CDH18: variants seen among roughly 807,000 people sequenced by gnomAD.
CDH18 encodes the protein cadherin-18.
CDH18 carries 31 observed loss-of-function variants against 67.9 expected under a neutral mutation model. That is an observed-to-expected ratio of 0.46 (90% CI 0.34 to 0.62). CDH18 has a LOEUF of 0.62. CDH18 is among the 20% of genes least tolerant of loss of function. The probability of loss-of-function intolerance (pLI) is 0.01; values close to 1 mark genes in which losing one functional copy is unlikely to be tolerated. For missense variants in CDH18, 890 were observed against 975.5 expected (o/e 0.91, Z 1.17); for synonymous variants, 362 against 347.2 (o/e 1.04, Z -0.48).
intron 2 of CDH18, among the ~76,000 whole-genome samples, chr5:20,115,296 T>TTTTTTTTG (rs1747800871): frequency 7.0e-6 from 1 of 143,050 alleles, no homozygotes; most frequent in Non-Finnish European, 1.5e-5. Flanking sequence ...TTTTTTTTTT[T>TTTTTTTTG]TGAGACGGAG....
intron 2 of CDH18, among the ~76,000 whole-genome samples, chr5:20,176,480 T>C (rs1232876302): frequency 6.6e-6 from 1 of 152,138 alleles, no homozygotes; most frequent in African/African-American, 2.4e-5. Flanking sequence ...GTGGACATAA[T>C]AGTTTTAGTT....
rs538862460 is a variant in CDH18, at chr5:20,408,209, A to T, written c.-579-152704T>A. ...AAGACTTTCCCCGGTAAATAAAAAA[A>T]GGTGAGGGAGATCATCACCACTAGA... On this transcript the variant is annotated intron_variant, in intron 1 of 14. Coordinates refer to the CDH18 transcript ENST00000507958. 2.7e-3 allele frequency among the ~76,000 whole-genome samples: 417 copies of T among 152,190 alleles called. 3 individuals carry two copies. The highest frequency in any genetic ancestry group is 0.014 in the Middle Eastern group (4 of 294).
intron 9 of CDH18, among the ~76,000 whole-genome samples, chr5:19,539,091 GCATTT>G (rs1196566699): frequency 6.6e-6 from 1 of 152,156 alleles, no homozygotes. Flanking sequence ...ATCGGTGCAT[GCATTT>G]CATTTCTAAA....
At chr5:20,042,250 C>A (rs1375565071) in intron 2 of CDH18, among the ~76,000 whole-genome samples, 1 of 152,212 alleles carries the variant, frequency 6.6e-6, no homozygotes, top group Non-Finnish European at 1.5e-5. Context: ...ATTTACTACA[C>A]AAATCCTTCA....
intron 8 of CDH18, among the ~76,000 whole-genome samples, chr5:19,567,252 G>C (rs945953978): frequency 6.6e-6 from 1 of 152,064 alleles, no homozygotes; most frequent in African/African-American, 2.4e-5. Context: ...ATCTTGTTTA[G>C]AGTTGAAACA....
chr5:20,064,329 G>T (rs1161224099), intron 2 of CDH18, among the ~76,000 whole-genome samples: 1 of 152,054 alleles, frequency 6.6e-6, no homozygotes, highest in East Asian at 1.9e-4. Flanking sequence ...AAACTGAAGA[G>T]CAAAAGATGA....
intron 1 of CDH18, among the ~76,000 whole-genome samples, chr5:20,271,698 G>T (rs575581778): frequency 6.6e-5 from 10 of 152,114 alleles, no homozygotes; most frequent in African/African-American, 2.4e-4. Context: ...CTATCTATGA[G>T]ACAAGGAAAC....
In CDH18 at chr5:19,532,155, G is replaced by T. The variant is rs564092035; in HGVS notation, c.1391-11377C>A. 2.0e-5 allele frequency among the ~76,000 whole-genome samples: 3 copies of T among 151,934 alleles called. No individual in the cohort carries two copies. In the East Asian group the frequency reaches 5.8e-4, roughly 29 times the overall value. On this transcript the variant is annotated intron_variant, in intron 9 of 12. Transcript: ENST00000382275. Reference sequence around the variant, plus strand: ...ATTTGTAGCCAATGTATTTTTTTGGGTCTTTTTTTTTAAATGTTAGACTTC... The same window carrying T: ...ATTTGTAGCCAATGTATTTTTTTGGTTCTTTTTTTTTAAATGTTAGACTTC...
intron 2 of CDH18, among the ~76,000 whole-genome samples, chr5:19,840,791 T>C (rs956876447): frequency 1.3e-5 from 2 of 152,208 alleles, no homozygotes; most frequent in Admixed American, 6.5e-5. Context: ...TGTAGTATTA[T>C]ATATGTGTGC....
In CDH18 at chr5:19,790,335, A is replaced by T. The variant is rs146796068; in HGVS notation, c.229-43099T>A. On this transcript the variant is annotated intron_variant, in intron 3 of 12. Coordinates refer to ENST00000382275, the MANE Select transcript of CDH18 (RefSeq NM_004934.5). The stretch of plus-strand genomic sequence containing the variant: ...CATGTATAAATTTTGAAATTGTTTC[A>T]CTCCTTCCTTCCTTTATATATTTAA... Among the ~76,000 whole-genome samples the T allele has an allele frequency of 4.3e-3, 653 of 151,996 alleles. 3 individuals are homozygous for T. The highest frequency in any genetic ancestry group is 4.8e-3 in the Non-Finnish European group (329 of 67,942).
chr5:19,887,030 T>C, intron 2 of CDH18, among the ~76,000 whole-genome samples: 1 of 152,196 alleles, frequency 6.6e-6, no homozygotes, highest in East Asian at 1.9e-4. Flanking sequence ...TTGGGTACCA[T>C]AATAAATAAG....
intron 8 of CDH18, among the ~76,000 whole-genome samples, chr5:19,550,327 T>A (rs143816784): frequency 0.036 from 5,479 of 152,174 alleles, 153 homozygotes; most frequent in East Asian, 0.059. Context: ...GTTTGTTACA[T>A]ACGTATACAT....
intron 1 of CDH18, among the ~76,000 whole-genome samples, chr5:20,493,377 A>G: frequency 1.5e-5 from 1 of 64,696 alleles, no homozygotes; most frequent in Non-Finnish European, 3.4e-5. Flanking sequence ...AAAAAAAAAA[A>G]AAAAAAAAGC....
intron 2 of CDH18, among the ~76,000 whole-genome samples, chr5:19,965,051 G>A (rs1478090209): frequency 1.3e-5 from 2 of 152,098 alleles, no homozygotes; most frequent in Admixed American, 6.6e-5. Flanking sequence ...GAGTACATTT[G>A]CTTAAAGGAA....
At chr5:20,206,077 A>T (rs574334989) in intron 2 of CDH18, among the ~76,000 whole-genome samples, 1 of 152,012 alleles carries the variant, frequency 6.6e-6, no homozygotes, top group East Asian at 1.9e-4. Flanking sequence ...AAAGATAAAC[A>T]ACATCAACAA....
At chr5:19,717,332 G>A (rs1015565702) in intron 5 of CDH18, among the ~76,000 whole-genome samples, 4 of 151,910 alleles carry the variant, frequency 2.6e-5, no homozygotes, top group Non-Finnish European at 5.9e-5. Flanking sequence ...TCATCAAATG[G>A]CCATGAAAGT....
rs1216080284 is a variant in CDH18, at chr5:20,345,514, T to C, written c.-579-90009A>G. ...TTCCCTCTGTAGCTCTTTTTTATTA[T>C]ATCATTTATATTTATTCCAACCATA... On this transcript the variant is annotated intron_variant, in intron 1 of 14. Coordinates refer to the CDH18 transcript ENST00000507958. Among the ~76,000 whole-genome samples, 5 of 152,148 alleles carry C rather than the reference T, an allele frequency of 3.3e-5. No individual in the cohort carries two copies. In the South Asian group the frequency reaches 1.0e-3, roughly 32 times the overall value.
chr5:19,827,154 A>G (rs752780830), intron 3 of CDH18, among the ~76,000 whole-genome samples: 35 of 152,176 alleles, frequency 2.3e-4, no homozygotes, highest in Admixed American at 3.3e-4. Context: ...ACATGATGGG[A>G]AAGGGTTCAG....
At chr5:19,678,744 C>T (rs1489394009) in intron 5 of CDH18, among the ~76,000 whole-genome samples, 1 of 151,788 alleles carries the variant, frequency 6.6e-6, no homozygotes, top group Admixed American at 6.6e-5. Flanking sequence ...TCCCAAGACT[C>T]GACCAGGAAG....
Sources: allele counts gnomAD v4.1 joint callset (sites outside exome capture counted in the v4.1 genomes callset), GRCh38; gene constraint gnomAD v4.1.1; transcripts MANE v1.5; gene names NCBI Gene and HGNC (gene_info 2026-07-23, HGNC 2026-07-21).